OGDH: variants seen among roughly 807,000 people sequenced by gnomAD.
OGDH encodes 2-oxoglutarate dehydrogenase complex component E1.
A neutral mutation model predicts 116.6 loss-of-function variants in OGDH; 38 were observed. The observed-to-expected ratio is 0.33, with a 90% CI of 0.25 to 0.43. OGDH has a LOEUF of 0.43. Among genes scored for constraint, OGDH ranks in the 20% least tolerant of loss-of-function variants. The probability of loss-of-function intolerance (pLI) is 1.00; values close to 1 mark genes in which losing one functional copy is unlikely to be tolerated. For missense variants in OGDH, 825 were observed against 1,357.2 expected (o/e 0.61, Z 6.16); for synonymous variants, 488 against 533.3 (o/e 0.92, Z 1.17).
intron 1 of OGDH, among the ~76,000 whole-genome samples, chr7:44,616,824 T>TATGC (rs1784812041): frequency 7.2e-6 from 1 of 138,710 alleles, no homozygotes; most frequent in African/African-American, 2.7e-5. Flanking sequence ...TACGTATATA[T>TATGC]GTGTATATAT....
chr7:44,624,639 G>C, intron 2 of OGDH, 74 bp downstream of exon 2: 1 of 1,327,702 alleles, frequency 7.5e-7, no homozygotes, highest in Middle Eastern at 2.6e-4. Context: ...CCAGGTAAGT[G>C]TGTGCGTCCT....
chr7:44,683,006 G>A (rs940636250), intron 10 of OGDH, among the ~76,000 whole-genome samples: 5 of 151,732 alleles, frequency 3.3e-5, no homozygotes, highest in Non-Finnish European at 5.9e-5. Context: ...AAAATTAGGC[G>A]GGTGTGGTGG....
In OGDH at chr7:44,707,264, C is replaced by T; in HGVS notation, c.2672C>T (p.Ala891Val). ...FQRVIPEDGP[A>V]AQNPENVKRL... is the part of the protein sequence containing the mutation. ...CGGGTGATCCCAGAAGATGGCCCTGCAGCTCAGAACCCAGAAAATGTCAAA... is the reference window on the plus strand; with the variant it reads ...CGGGTGATCCCAGAAGATGGCCCTGTAGCTCAGAACCCAGAAAATGTCAAA... The change falls in exon 21 of 23, where the codon GCA (alanine) becomes GTA (valine). Residue 891 changes from alanine to valine, a missense_variant. Ala to Val is a moderately conservative substitution (Grantham distance 64). Coordinates refer to ENST00000222673, the MANE Select transcript of OGDH (RefSeq NM_002541.4). This position sits in a 1 kb window ranked among gnomAD's most constrained non-coding sequence, Gnocchi z 5.2. 1 of 1,614,234 alleles carries T rather than the reference C, an allele frequency of 6.2e-7. No individual in the cohort carries two copies. Among genetic ancestry groups the T allele is most frequent in the Non-Finnish European group, 8.5e-7 (1 of 1,180,044 alleles).
chr7:44,655,135 T>C (rs1397796179), intron 4 of OGDH, among the ~76,000 whole-genome samples: 4 of 152,114 alleles, frequency 2.6e-5, no homozygotes, highest in Admixed American at 2.6e-4. Flanking sequence ...TGGGTATGAG[T>C]ATTTAAGGTT....
At chr7:44,628,160 A>T (rs1785281688) in intron 2 of OGDH, among the ~76,000 whole-genome samples, 1 of 152,212 alleles carries the variant, frequency 6.6e-6, no homozygotes, top group Non-Finnish European at 1.5e-5. Flanking sequence ...AGGAGAGTAG[A>T]CACTGGAGTA....
At chr7:44,651,664 T>G (rs1585290369) in intron 4 of OGDH, among the ~76,000 whole-genome samples, 1 of 151,058 alleles carries the variant, frequency 6.6e-6, no homozygotes, top group Admixed American at 6.6e-5. Context: ...CGGGTTCAAG[T>G]GATTCTCCTG....
chr7:44,643,646 CT>C (rs1165677878), intron 2 of OGDH, among the ~76,000 whole-genome samples: 1 of 152,174 alleles, frequency 6.6e-6, no homozygotes, highest in Non-Finnish European at 1.5e-5. Flanking sequence ...AACAGAAGAC[CT>C]TAAGGACCAG....
intron 4 of OGDH, among the ~76,000 whole-genome samples, chr7:44,659,377 G>T (rs543838618): frequency 1.2e-3 from 179 of 152,160 alleles, no homozygotes; most frequent in African/African-American, 4.2e-3. Flanking sequence ...TACTATCTTT[G>T]CTTTTGGTAT....
intron 2 of OGDH, among the ~76,000 whole-genome samples, chr7:44,628,728 A>G (rs986958186): frequency 2.0e-5 from 3 of 152,058 alleles, no homozygotes; most frequent in African/African-American, 4.8e-5. Context: ...GGGATTACAG[A>G]TGTGAGCCAC....
intron 10 of OGDH, among the ~76,000 whole-genome samples, chr7:44,684,195 T>C (rs912776594): frequency 6.6e-6 from 1 of 152,050 alleles, no homozygotes; most frequent in Admixed American, 6.6e-5. Context: ...AAGAGAGAAC[T>C]GCCATCAGCC....
intron 10 of OGDH, among the ~76,000 whole-genome samples, chr7:44,686,689 C>CT (rs35917984): frequency 0.099 from 13,241 of 133,190 alleles, 1,482 homozygotes; most frequent in East Asian, 0.34. Context: ...TTCTTTTTTT[C>CT]TTTTTTTTTT....
At position 44,696,993 on chromosome 7, in the gene OGDH, G is replaced by A. The variant is rs57529168; in HGVS notation, c.1980G>A (p.Ala660=). 31 of 1,614,228 alleles carry A rather than the reference G, an allele frequency of 1.9e-5. No individual in the cohort carries two copies. In the East Asian group the frequency reaches 2.7e-4, roughly 14 times the overall value. The change falls in exon 15 of 23, where the codon GCG becomes GCA. Residue 660 remains alanine, a synonymous_variant. Coordinates refer to ENST00000222673, the MANE Select transcript of OGDH (RefSeq NM_002541.4). ...TVDWALAEYM[A]FGSLLKEGIH... is the part of the protein sequence containing the mutation. ...ACTGGGCTCTAGCGGAGTACATGGC[G>A]TTTGGCTCGCTCCTGAAGGAGGGCA...
At chr7:44,649,090 C>G (rs1280852360) in intron 4 of OGDH, among the ~76,000 whole-genome samples, 1 of 152,054 alleles carries the variant, frequency 6.6e-6, no homozygotes, top group Non-Finnish European at 1.5e-5. Context: ...GGATCCTCTT[C>G]AGGTGCTCAG....
At chr7:44,672,880 A>T (rs1011316588) in intron 5 of OGDH, among the ~76,000 whole-genome samples, 2 of 151,896 alleles carry the variant, frequency 1.3e-5, no homozygotes, top group Non-Finnish European at 2.9e-5. Context: ...TGACCTTGTG[A>T]TCTGCCTGCC....
chr7:44,672,637 G>GTTTTTTTTTTTTTTTTTTTTTTT (rs1175741464), intron 5 of OGDH, among the ~76,000 whole-genome samples: 1 of 135,840 alleles, frequency 7.4e-6, no homozygotes, highest in Admixed American at 7.2e-5. Flanking sequence ...ATTTCTTTTT[G>GTTTTTTTTTTTTTTTTTTTTTTT]TTTTTTGTTT....
chr7:44,686,921 A>T (rs2116282956), intron 10 of OGDH, among the ~76,000 whole-genome samples: 1 of 151,476 alleles, frequency 6.6e-6, no homozygotes, highest in Admixed American at 6.6e-5. Context: ...TCCTGACCTC[A>T]GGTGATCCAC....
At chr7:44,606,922 C>CG (rs1202924252) in intron 1 of OGDH, among the ~76,000 whole-genome samples, 6 of 151,932 alleles carry the variant, frequency 3.9e-5, no homozygotes, top group Non-Finnish European at 8.8e-5. Flanking sequence ...CGAGGTCGCG[C>CG]GGGGCGCGGA....
At chr7:44,643,398 C>CA (rs1045895500) in intron 2 of OGDH, among the ~76,000 whole-genome samples, 2 of 151,270 alleles carry the variant, frequency 1.3e-5, no homozygotes, top group African/African-American at 2.4e-5. Flanking sequence ...AAATATTCTA[C>CA]AAAAAAGAAA....
intron 2 of OGDH, among the ~76,000 whole-genome samples, chr7:44,626,747 T>C (rs1785222698): frequency 3.9e-5 from 6 of 152,190 alleles, no homozygotes; most frequent in Admixed American, 2.6e-4. Context: ...TTTATGTCTT[T>C]ATGCCTGTTT....
Sources: allele counts gnomAD v4.1 joint callset (sites outside exome capture counted in the v4.1 genomes callset), GRCh38; gene constraint gnomAD v4.1.1; non-coding constraint Gnocchi (gnomAD v3.1); transcripts MANE v1.5; gene names NCBI Gene and HGNC (gene_info 2026-07-23, HGNC 2026-07-21).